The following MORC1 variants were observed in gnomAD, a reference collection of about 807,000 sequenced individuals.
The protein encoded by MORC1 is MORC family CW-type zinc finger protein 1.
Under a neutral mutation model 134.9 loss-of-function variants are expected in MORC1, and 59 were observed. That is an observed-to-expected ratio of 0.44 (90% CI 0.35 to 0.54). The LOEUF (loss-of-function observed/expected upper bound fraction) is 0.54, where lower values mean the gene tolerates loss of function less well. Ranked by LOEUF, MORC1 falls within the 20% of genes least tolerant of loss-of-function variation. The probability of loss-of-function intolerance (pLI) is 0.00; values close to 1 mark genes in which losing one functional copy is unlikely to be tolerated. For synonymous variants in MORC1, 395 were observed against 391.7 expected, an observed-to-expected ratio of 1.01 and a Z score of -0.10; for missense variants, 947 against 1,134.5, an observed-to-expected ratio of 0.83 and a Z score of 2.37.
At chr3:109,077,365 A>T (rs34560223) in intron 8 of MORC1, among the ~76,000 whole-genome samples, 7,942 of 152,264 alleles carry the variant, frequency 0.052, 479 homozygotes, top group African/African-American at 0.14. Context: ...TTCATGTCTG[A>T]TGTAATAAAA....
Position 109,095,074 on chromosome 3 carries a change from T to C in MORC1, c.424-6A>G, listed in dbSNP as rs200439000. On this transcript the variant is annotated splice_region_variant and splice_polypyrimidine_tract_variant and intron_variant, in intron 6 of 27. Coordinates refer to ENST00000232603, the MANE Select transcript of MORC1 (RefSeq NM_014429.4). ...GAGGGCATTGGAACTACAACCTATT[T>C]AAAAAAAAACACATCAATTTACTAT... is the stretch of plus-strand genomic sequence containing the variant. 2 of 1,547,172 alleles carry C rather than the reference T, an allele frequency of 1.3e-6. No individual in the cohort carries two copies. The highest frequency in any genetic ancestry group is 2.4e-5 in the East Asian group (1 of 42,278).
chr3:109,115,262 C>T (rs1180456873), intron 1 of MORC1, among the ~76,000 whole-genome samples: 1 of 152,024 alleles, frequency 6.6e-6, no homozygotes, highest in Non-Finnish European at 1.5e-5. Flanking sequence ...CTCTTCTATA[C>T]AAGAGAAAGC....
intron 14 of MORC1, among the ~76,000 whole-genome samples, chr3:109,051,755 A>C (rs1176191583): frequency 1.3e-5 from 2 of 152,202 alleles, no homozygotes. Context: ...AAACAGGTAG[A>C]TAGAAACAAT....
chr3:109,117,291 C>T (rs1342216808), intron 1 of MORC1, among the ~76,000 whole-genome samples: 1 of 138,958 alleles, frequency 7.2e-6, no homozygotes, highest in African/African-American at 2.7e-5. Context: ...TCCCTGATAT[C>T]TGTTCCTATA....
chr3:108,994,885 C>A (rs367745921), intron 21 of MORC1, among the ~76,000 whole-genome samples: 3 of 152,124 alleles, frequency 2.0e-5, no homozygotes, highest in African/African-American at 7.2e-5. Flanking sequence ...CAGAATAGAT[C>A]CCCTAGGATG....
Position 109,005,322 on chromosome 3 carries a change from T to A in MORC1, c.1768-7A>T. ...TCTGGGTTTTGGTATTTTCCTTAAA[T>A]AACAAAGAACATGTTTTTATTTTTT... On this transcript the variant is annotated splice_polypyrimidine_tract_variant and splice_region_variant and intron_variant, in intron 18 of 27. Coordinates refer to ENST00000232603, the MANE Select transcript of MORC1 (RefSeq NM_014429.4). The A allele has an allele frequency of 1.3e-6, 2 of 1,577,978 alleles. No homozygotes were observed. Among genetic ancestry groups the A allele is most frequent in the Non-Finnish European group, 1.7e-6 (2 of 1,168,706 alleles).
At position 108,978,271 on chromosome 3, in the gene MORC1, G is replaced by A. The variant is rs115393230; in HGVS notation, c.2477+1244C>T. Among the ~76,000 whole-genome samples, 781 of 152,290 alleles carry A rather than the reference G, an allele frequency of 5.1e-3. 17 individuals are homozygous for A. The highest frequency in any genetic ancestry group is 0.018 in the African/African-American group (752 of 41,576). ...CTAGTGGAAGACTGCCAACCAGACC[G>A]AAAGGGATATTTGGTGGTCAGAACT... On this transcript the variant is annotated intron_variant, in intron 24 of 27. Coordinates refer to ENST00000232603, the MANE Select transcript of MORC1 (RefSeq NM_014429.4).
chr3:109,052,676 A>T (rs1433341474), intron 14 of MORC1, among the ~76,000 whole-genome samples: 1 of 152,212 alleles, frequency 6.6e-6, no homozygotes, highest in Non-Finnish European at 1.5e-5. Flanking sequence ...TACAACTTCA[A>T]GTGAAGATTT....
chr3:109,055,940 T>C (rs796746318), intron 13 of MORC1, among the ~76,000 whole-genome samples: 6 of 152,322 alleles, frequency 3.9e-5, no homozygotes, highest in African/African-American at 1.4e-4. Flanking sequence ...AAGGAAGACC[T>C]TCCTGTGGAG....
chr3:108,980,912 C>T (rs1252226304), intron 23 of MORC1, among the ~76,000 whole-genome samples: 1 of 152,024 alleles, frequency 6.6e-6, no homozygotes, highest in African/African-American at 2.4e-5. Flanking sequence ...TGCAGGGCAT[C>T]GTGGGCATGG....
intron 17 of MORC1, among the ~76,000 whole-genome samples, chr3:109,021,670 C>A (rs1948961954): frequency 6.6e-6 from 1 of 152,216 alleles, no homozygotes; most frequent in South Asian, 2.1e-4. Context: ...CCATGCTATG[C>A]CACAATGCCA....
chr3:109,049,415 T>TAGAA (rs1210139574), intron 14 of MORC1, among the ~76,000 whole-genome samples: 1 of 152,186 alleles, frequency 6.6e-6, no homozygotes, highest in Non-Finnish European at 1.5e-5. Context: ...AGATCACTGA[T>TAGAA]AGAAGGCCAG....
At chr3:109,032,691 A>G in intron 16 of MORC1, 29 bp downstream of exon 16, 1 of 1,426,666 alleles carries the variant, frequency 7.0e-7, no homozygotes, top group Non-Finnish European at 9.7e-7. Context: ...AAAAATGAAT[A>G]AAGAATTTTA....
At chr3:109,060,314 C>A (rs912060617) in intron 11 of MORC1, among the ~76,000 whole-genome samples, 10 of 151,608 alleles carry the variant, frequency 6.6e-5, no homozygotes, top group Non-Finnish European at 1.2e-4. Context: ...CAGAAAATAT[C>A]TCCTTCATAT....
At chr3:108,982,922 G>C (rs1947783159) in intron 23 of MORC1, among the ~76,000 whole-genome samples, 2 of 144,728 alleles carry the variant, frequency 1.4e-5, no homozygotes, top group South Asian at 4.5e-4. Context: ...TCACATAAAG[G>C]AATATACTAG....
chr3:109,059,369 C>T (rs3804676), intron 12 of MORC1, among the ~76,000 whole-genome samples: 23,027 of 152,036 alleles, frequency 0.15, 1,900 homozygotes, highest in African/African-American at 0.21. Flanking sequence ...AATACATTCA[C>T]GTGAAACATT....
chr3:109,078,165 G>A (rs1010919066), intron 8 of MORC1, among the ~76,000 whole-genome samples: 2 of 151,804 alleles, frequency 1.3e-5, no homozygotes, highest in Admixed American at 6.6e-5. Flanking sequence ...CTCAGAAACC[G>A]AGCAATGAAG....
At chr3:109,070,316 T>C (rs1217943399) in intron 8 of MORC1, among the ~76,000 whole-genome samples, 1 of 151,658 alleles carries the variant, frequency 6.6e-6, no homozygotes, top group Non-Finnish European at 1.5e-5. Flanking sequence ...CACACGATAA[T>C]GAAAAAGGAG....
intron 20 of MORC1, among the ~76,000 whole-genome samples, chr3:109,003,023 AG>A (rs1289247344): frequency 6.6e-6 from 1 of 152,156 alleles, no homozygotes; most frequent in East Asian, 1.9e-4. Context: ...CTAAAAGGCT[AG>A]TTACCATATT....
Sources: gnomAD v4.1 joint callset for allele counts (sites outside exome capture counted in the v4.1 genomes callset) on GRCh38, gnomAD v4.1.1 for gene constraint, MANE v1.5 for transcripts, NCBI Gene and HGNC (gene_info 2026-07-23, HGNC 2026-07-21) for gene names.